ATP2B2: variants seen among roughly 807,000 people sequenced by gnomAD.
The protein encoded by ATP2B2 is ATPase plasma membrane Ca2+ transporting 2.
Under a neutral mutation model 120.0 loss-of-function variants are expected in ATP2B2, and 15 were observed. The ratio of observed to expected loss-of-function variants is 0.12; its 90% CI spans 0.08 to 0.19. The LOEUF is 0.19. Among genes scored for constraint, ATP2B2 ranks in the 10% least tolerant of loss-of-function variants. ATP2B2 has a pLI of 1.00. For missense variants in ATP2B2, 1,045 were observed against 1,719.8 expected (o/e 0.61, Z 6.94); for synonymous variants, 694 against 700.3 (o/e 0.99, Z 0.14).
intron 2 of ATP2B2, among the ~76,000 whole-genome samples, chr3:10,560,736 C>T (rs916843008): frequency 2.0e-5 from 3 of 152,186 alleles, no homozygotes; most frequent in Non-Finnish European, 4.4e-5. Context: ...GTGATACACT[C>T]CCCAACAGAA....
chr3:10,505,225 A>G (rs1010161907), intron 1 of ATP2B2, among the ~76,000 whole-genome samples: 6 of 151,484 alleles, frequency 4.0e-5, no homozygotes, highest in African/African-American at 9.7e-5. Flanking sequence ...CGTCCCCCAC[A>G]ACACGCGGAC....
chr3:10,566,053 A>G (rs1053629136), intron 2 of ATP2B2, among the ~76,000 whole-genome samples: 4 of 152,038 alleles, frequency 2.6e-5, no homozygotes, highest in Non-Finnish European at 5.9e-5. Flanking sequence ...CCAGATGTTC[A>G]CCAGCTATCT....
chr3:10,666,708 C>T (rs549175790), intron 1 of ATP2B2, among the ~76,000 whole-genome samples: 3 of 152,216 alleles, frequency 2.0e-5, no homozygotes, highest in Non-Finnish European at 4.4e-5. Flanking sequence ...ATGAAGGAGG[C>T]TCAGTCCCTC....
At chr3:10,693,341 A>G (rs1049154572) in intron 1 of ATP2B2, among the ~76,000 whole-genome samples, 2 of 152,206 alleles carry the variant, frequency 1.3e-5, no homozygotes, top group African/African-American at 4.8e-5. Flanking sequence ...AACCTGTGAA[A>G]TGGGTACAAT....
chr3:10,340,149 G>A lies in ATP2B2; in HGVS notation c.3237+93C>T. 8.0e-7 allele frequency: 1 copy of A among 1,247,488 alleles called. No individual in the cohort carries two copies. Among genetic ancestry groups the A allele is most frequent in the Admixed American group, 1.8e-5 (1 of 56,674 alleles). The allele number at this position is 1,247,488 out of a possible 1,614,324, so 77.3% of individuals were successfully genotyped here. On this transcript the variant is annotated intron_variant, in intron 21 of 22. Transcript: ENST00000360273. This position sits in a 1 kb window ranked among gnomAD's most constrained non-coding sequence, Gnocchi z 5.0. ...ATAGGGAGGAGCTTGCCTGGGGTCT[G>A]GCAGCCCATTCCTGGGGGTCCTGGA...
At chr3:10,686,004 C>A (rs945162320) in intron 1 of ATP2B2, among the ~76,000 whole-genome samples, 1 of 149,384 alleles carries the variant, frequency 6.7e-6, no homozygotes, top group South Asian at 2.1e-4. Flanking sequence ...TATTCCAGCT[C>A]GTCTTTCTTC....
intron 1 of ATP2B2, among the ~76,000 whole-genome samples, chr3:10,697,092 C>T (rs936368300): frequency 3.3e-5 from 5 of 152,130 alleles, no homozygotes; most frequent in Non-Finnish European, 5.9e-5. Flanking sequence ...AAGTCAGATT[C>T]GATGCCAAAG....
chr3:10,394,479 C>G (rs938556548), intron 5 of ATP2B2: 1 of 471,198 alleles, frequency 2.1e-6, no homozygotes, highest in East Asian at 7.0e-5. Flanking sequence ...GTGGTGGAGC[C>G]GGGACTTGAA....
At position 10,505,545 on chromosome 3, in the gene ATP2B2, G is replaced by C. The variant is rs2066592378; in HGVS notation, c.-400C>G. 1 of 149,752 alleles carries C rather than the reference G, an allele frequency of 6.7e-6. No homozygotes were observed. The highest frequency in any genetic ancestry group is 1.5e-5 in the Non-Finnish European group (1 of 67,336). The allele number at this position is 149,752 out of a possible 1,614,324, so 9.3% of individuals were successfully genotyped here. A position where few individuals can be genotyped will look rare whatever the true frequency, so the allele number is the denominator to read the frequency against. ...ATCGCGGTGCGGCAGCTGGTGCCGCGGCTGAGCCCAGCCAGCGTGCCCGGG... is the reference window on the plus strand; with the variant it reads ...ATCGCGGTGCGGCAGCTGGTGCCGCCGCTGAGCCCAGCCAGCGTGCCCGGG... On this transcript the variant is annotated 5_prime_UTR_variant, in exon 1 of 23. Coordinates refer to ENST00000360273, the MANE Select transcript of ATP2B2 (RefSeq NM_001001331.4).
rs969798994 is a variant in ATP2B2 at position 10,342,314 on chromosome 3, C to T, written c.2917+438G>A. ...GCCCAAGTGGAAGCATTGTGAGAGT[C>T]GGTGGTGGTGTGAGCGTGTATGCCC... On this transcript the variant is annotated intron_variant, in intron 19 of 22. Coordinates refer to ENST00000360273, the MANE Select transcript of ATP2B2 (RefSeq NM_001001331.4). This position sits in a 1 kb window ranked among gnomAD's most constrained non-coding sequence, Gnocchi z 4.4. Among the ~76,000 whole-genome samples, 3 of 152,256 alleles carry T rather than the reference C, an allele frequency of 2.0e-5. No individual in the cohort carries two copies. Among genetic ancestry groups the T allele is most frequent in the Non-Finnish European group, 1.5e-5 (1 of 68,018 alleles).
intron 3 of ATP2B2, among the ~76,000 whole-genome samples, chr3:10,408,632 A>G (rs1285345380): frequency 3.3e-5 from 5 of 152,110 alleles, no homozygotes; most frequent in Middle Eastern, 3.2e-3. Flanking sequence ...ATCCTGCCCT[A>G]CAGTCTAACG....
chr3:10,343,349 C>A lies in ATP2B2; in HGVS notation c.2704-384G>T, dbSNP rs547365340. Reference sequence around the variant, plus strand: ...GGCATGGGCTCCTACCTCCTCCCCCCACTGCCTCCTCCCCCTCGGGCTTTC... The same window carrying A: ...GGCATGGGCTCCTACCTCCTCCCCCAACTGCCTCCTCCCCCTCGGGCTTTC... On this transcript the variant is annotated intron_variant, in intron 18 of 22. Transcript: ENST00000360273. The surrounding 1 kb of genome is among the most constrained non-coding windows in gnomAD (Gnocchi z 4.2). Among the ~76,000 whole-genome samples, 5 of 151,816 alleles carry A rather than the reference C, an allele frequency of 3.3e-5. No individual in the cohort carries two copies. Among genetic ancestry groups the A allele is most frequent in the African/African-American group, 1.2e-4 (5 of 41,390 alleles).
intron 2 of ATP2B2, among the ~76,000 whole-genome samples, chr3:10,574,348 C>T (rs1332169894): frequency 6.6e-6 from 1 of 152,204 alleles, no homozygotes; most frequent in East Asian, 1.9e-4. Flanking sequence ...GAGGCCCCCA[C>T]ACAGCAGTGG....
intron 2 of ATP2B2, among the ~76,000 whole-genome samples, chr3:10,552,020 C>T (rs1358318978): frequency 6.6e-6 from 1 of 152,236 alleles, no homozygotes; most frequent in Non-Finnish European, 1.5e-5. Context: ...CTTTCTGTAA[C>T]ACTGATTCCG....
intron 1 of ATP2B2, among the ~76,000 whole-genome samples, chr3:10,691,761 G>T (rs1423277865): frequency 6.6e-6 from 1 of 152,200 alleles, no homozygotes; most frequent in Non-Finnish European, 1.5e-5. Context: ...GTTCTCCAGG[G>T]TTTCTACATG....
intron 1 of ATP2B2, among the ~76,000 whole-genome samples, chr3:10,685,181 A>C (rs901727168): frequency 3.3e-5 from 5 of 152,204 alleles, no homozygotes; most frequent in African/African-American, 9.6e-5. Flanking sequence ...TGAGGATCAA[A>C]TGAGGCACTC....
intron 3 of ATP2B2, among the ~76,000 whole-genome samples, chr3:10,520,661 C>T (rs2066966428): frequency 2.6e-5 from 4 of 151,812 alleles, no homozygotes; most frequent in African/African-American, 4.8e-5. Flanking sequence ...GCTGGGGTTT[C>T]GCCAGGTTGG....
intron 5 of ATP2B2, among the ~76,000 whole-genome samples, chr3:10,394,798 G>C (rs565542711): frequency 6.6e-6 from 1 of 151,978 alleles, no homozygotes; most frequent in Non-Finnish European, 1.5e-5. Context: ...GGGGTCTCGC[G>C]GGGGTTGAGC....
chr3:10,438,934 C>CT (rs1432511928), intron 2 of ATP2B2, among the ~76,000 whole-genome samples: 1 of 152,212 alleles, frequency 6.6e-6, no homozygotes. Flanking sequence ...CCCTGGGCTT[C>CT]TGGGAGCTAG....
Sources: gnomAD v4.1 joint callset for allele counts (sites outside exome capture counted in the v4.1 genomes callset) on GRCh38, gnomAD v4.1.1 for gene constraint, Gnocchi (gnomAD v3.1) non-coding constraint, MANE v1.5 for transcripts, NCBI Gene and HGNC (gene_info 2026-07-23, HGNC 2026-07-21) for gene names.